Variants in CLCN3 observed in about 807,000 individuals in gnomAD.
CLCN3 encodes the protein Cl-/H+ antiporter 3.
A neutral mutation model predicts 83.4 loss-of-function variants in CLCN3; 16 were observed. That is an observed-to-expected ratio of 0.19 (90% CI 0.13 to 0.29). The LOEUF is 0.29. Ranked by LOEUF, CLCN3 falls within the 10% of genes least tolerant of loss-of-function variation. The pLI is 1.00. For missense variants in CLCN3, 544 were observed against 1,006.0 expected (o/e 0.54, Z 6.21); for synonymous variants, 322 against 346.2 (o/e 0.93, Z 0.78).
intron 3 of CLCN3, among the ~76,000 whole-genome samples, chr4:169,684,090 A>G (rs374027377): frequency 6.6e-6 from 1 of 152,002 alleles, no homozygotes; most frequent in Non-Finnish European, 1.5e-5. Flanking sequence ...TACCCAACCT[A>G]ATTCTTTTTT....
chr4:169,642,084 TA>T (rs1730429662), intron 2 of CLCN3, among the ~76,000 whole-genome samples: 1 of 152,148 alleles, frequency 6.6e-6, no homozygotes, highest in Non-Finnish European at 1.5e-5. Context: ...TTTTAAAATT[TA>T]TTTTTTTTTT....
At chr4:169,658,097 AT>A (rs1730939459) in intron 2 of CLCN3, among the ~76,000 whole-genome samples, 1 of 152,132 alleles carries the variant, frequency 6.6e-6, no homozygotes, top group Non-Finnish European at 1.5e-5. Flanking sequence ...CAAAAGTAAT[AT>A]ATTTGTTTAA....
rs1773491902 is a variant in CLCN3 at position 169,635,999 on chromosome 4, G to A, written c.71G>A (p.Ser24Asn). The change falls in exon 2 of 13, where the codon AGT becomes AAT. Residue 24 changes from serine (S) to asparagine (N), a missense_variant. This residue lies in a region of CLCN3 where 77 missense variants were observed against 92.8 expected (regional missense o/e 0.83). Coordinates refer to ENST00000513761, the MANE Select transcript of CLCN3 (RefSeq NM_001829.4). ...NSYNSITSAS[S>N]DEELLDGAGV... is the part of the protein sequence containing the mutation. ...TACAACAGTATAACAAGTGCAAGTA[G>A]TGATGAGGAACTTTTAGATGGAGCA... The A allele has an allele frequency of 6.2e-7, 1 of 1,613,436 alleles. No homozygotes were observed. The highest frequency in any genetic ancestry group is 8.5e-7 in the Non-Finnish European group (1 of 1,179,668).
chr4:169,676,189 T>C (rs1414731122), intron 2 of CLCN3, among the ~76,000 whole-genome samples: 1 of 152,232 alleles, frequency 6.6e-6, no homozygotes, highest in Non-Finnish European at 1.5e-5. Context: ...CAATTTATTA[T>C]GGCCAATTTT....
rs959059725 is a variant in CLCN3, at chr4:169,624,112, A to G, written c.-17+3049A>G. ...TGCCCAGTGCTAATGTAATCAGTAG[A>G]CCACACTAATTCCTATGGTATAGTA... On this transcript the variant is annotated intron_variant, in intron 1 of 12. Transcript: ENST00000513761. Among the ~76,000 whole-genome samples, 4 of 152,244 alleles carry G rather than the reference A, an allele frequency of 2.6e-5. No homozygotes were observed. The East Asian group carries it at 5.8e-4, about 22-fold the overall frequency.
chr4:169,631,309 A>C (rs568982799), intron 1 of CLCN3, among the ~76,000 whole-genome samples: 1 of 152,050 alleles, frequency 6.6e-6, no homozygotes, highest in South Asian at 2.1e-4. Flanking sequence ...TTGGAGACGG[A>C]GTCTTGCTCT....
At chr4:169,712,707 T>G (rs2150274288) in intron 11 of CLCN3, among the ~76,000 whole-genome samples, 2 of 152,360 alleles carry the variant, frequency 1.3e-5, no homozygotes, top group Admixed American at 1.3e-4. Context: ...TTTCATTTGA[T>G]AATGGATTCC....
chr4:169,711,618 G>A (rs1394881381), intron 11 of CLCN3, among the ~76,000 whole-genome samples: 1 of 151,946 alleles, frequency 6.6e-6, no homozygotes, highest in Non-Finnish European at 1.5e-5. Flanking sequence ...CCAAAGTGCT[G>A]GGATTACAGA....
At chr4:169,668,265 T>TGCCACA (rs1731327407) in intron 2 of CLCN3, among the ~76,000 whole-genome samples, 2 of 151,980 alleles carry the variant, frequency 1.3e-5, no homozygotes, top group Non-Finnish European at 2.9e-5. Flanking sequence ...TATAGCCTCC[T>TGCCACA]GCCACAGCGT....
chr4:169,688,814 A>G (rs1226391034), intron 4 of CLCN3, among the ~76,000 whole-genome samples: 2 of 152,224 alleles, frequency 1.3e-5, no homozygotes, highest in Non-Finnish European at 2.9e-5. Context: ...ATCACAATTA[A>G]TTTGAATGAT....
intron 12 of CLCN3, among the ~76,000 whole-genome samples, chr4:169,714,212 A>G (rs1237065130): frequency 6.6e-6 from 1 of 152,190 alleles, no homozygotes; most frequent in African/African-American, 2.4e-5. Context: ...GATTATGCAT[A>G]AACTGGATGG....
chr4:169,657,983 T>C (rs1235676680), intron 2 of CLCN3, among the ~76,000 whole-genome samples: 2 of 152,202 alleles, frequency 1.3e-5, no homozygotes, highest in East Asian at 3.8e-4. Context: ...GGACTTAACC[T>C]GTGTACTGAT....
intron 9 of CLCN3, among the ~76,000 whole-genome samples, chr4:169,701,567 T>C (rs1581268130): frequency 6.6e-6 from 1 of 152,046 alleles, no homozygotes; most frequent in Non-Finnish European, 1.5e-5. Context: ...CAGTGGTGGG[T>C]TTCCAAGTTG....
intron 3 of CLCN3, among the ~76,000 whole-genome samples, chr4:169,680,934 C>T (rs1183412496): frequency 3.3e-5 from 5 of 152,048 alleles, no homozygotes; most frequent in African/African-American, 7.2e-5. Context: ...CTGCACCCTC[C>T]GCCTCCTGGA....
At chr4:169,685,017 A>G (rs1206653692) in intron 3 of CLCN3, among the ~76,000 whole-genome samples, 4 of 128,768 alleles carry the variant, frequency 3.1e-5, no homozygotes, top group Non-Finnish European at 3.2e-5. Flanking sequence ...GGGTCTTGCT[A>G]TGTTACTCAG....
rs76784228 is a variant in CLCN3 at position 169,720,486 on chromosome 4, A to T, written c.*489A>T. The T allele has an allele frequency of 6.5e-6, 1 of 154,468 alleles. No individual in the cohort carries two copies. The highest frequency in any genetic ancestry group is 2.4e-5 in the African/African-American group (1 of 41,412). The allele number at this position is 154,468 out of a possible 1,614,324, so 9.6% of individuals were successfully genotyped here. On this transcript the variant is annotated 3_prime_UTR_variant, in exon 13 of 13. Coordinates refer to ENST00000513761, the MANE Select transcript of CLCN3 (RefSeq NM_001829.4). The stretch of plus-strand genomic sequence containing the variant: ...GTTCTGTTTAATTCATGAATTGTAT[A>T]GTTAAGCATTACCTTTCTACATTCC...
intron 11 of CLCN3, among the ~76,000 whole-genome samples, chr4:169,711,593 GCCCACCTTGGCCT>G (rs1581282914): frequency 6.6e-6 from 1 of 152,050 alleles, no homozygotes; most frequent in East Asian, 1.9e-4. Context: ...CAGTTGATCT[GCCCACCTTGGCCT>G]CCCAAAGTGC....
intron 11 of CLCN3, 82 bp from the exon 12 acceptor site, chr4:169,712,997 T>G (rs981257604): frequency 1.0e-6 from 1 of 998,128 alleles, no homozygotes; most frequent in Non-Finnish European, 1.5e-6. Flanking sequence ...GATACATTAA[T>G]TTTTTTTATC....
rs1581251098 is a variant in CLCN3, at chr4:169,687,707, A to G, written c.368A>G (p.Tyr123Cys). Reference sequence around the variant, plus strand: ...GCATGGGAAATGACAAAAAGTTTGTATGATGCGTGGTCAGGATGGCTAGTA... The same window carrying G: ...GCATGGGAAATGACAAAAAGTTTGTGTGATGCGTGGTCAGGATGGCTAGTA... Reference protein sequence around the residue: ...ESAWEMTKSLYDAWSGWLVVT... With the variant: ...ESAWEMTKSLCDAWSGWLVVT... Residue 123 changes from tyrosine to cysteine, a missense_variant, in exon 4 of 13, where the codon TAT (tyrosine) becomes TGT (cysteine). Physicochemically the swap from Tyr to Cys is radical, Grantham distance 194 (BLOSUM62 -2). Coordinates refer to ENST00000513761, the MANE Select transcript of CLCN3 (RefSeq NM_001829.4). 1.2e-6 allele frequency: 2 copies of G among 1,610,668 alleles called. No homozygotes were observed. The highest frequency in any genetic ancestry group is 1.1e-5 in the South Asian group (1 of 90,544).
Sources: allele counts gnomAD v4.1 joint callset (sites outside exome capture counted in the v4.1 genomes callset), GRCh38; gene constraint gnomAD v4.1.1; regional missense constraint gnomAD v4.1.1; transcripts MANE v1.5; gene names NCBI Gene and HGNC (gene_info 2026-07-23, HGNC 2026-07-21).